The following HDAC9 variants were observed in gnomAD, a reference collection of about 807,000 sequenced individuals.
HDAC9 encodes the protein histone deacetylase 9.
In HDAC9, 41 loss-of-function variants were observed where a neutral mutation model predicts 139.4. The observed-to-expected ratio is 0.29, with a 90% confidence interval of 0.23 to 0.38. The LOEUF (loss-of-function observed/expected upper bound fraction) is 0.38. HDAC9 is among the 10% of genes least tolerant of loss of function. HDAC9 has a pLI of 1.00. For synonymous variants in HDAC9, 517 were observed against 476.2 expected (o/e 1.09, Z -1.12); for missense variants, 1,147 against 1,297.0 (o/e 0.88, Z 1.78).
chr7:18,455,375 T>C (rs992755738), intron 1 of HDAC9, among the ~76,000 whole-genome samples: 2 of 152,208 alleles, frequency 1.3e-5, no homozygotes, highest in Non-Finnish European at 2.9e-5. Flanking sequence ...CTCATTTTTT[T>C]GTGTAATTTT....
At chr7:18,960,749 A>G (rs980644990) in intron 24 of HDAC9, among the ~76,000 whole-genome samples, 1 of 152,150 alleles carries the variant, frequency 6.6e-6, no homozygotes, top group Non-Finnish European at 1.5e-5. Context: ...GTCTTCTTTT[A>G]TCTGAAATAC....
At position 18,411,471 on chromosome 7, in the gene HDAC9, T is replaced by C. The variant is rs531489100; in HGVS notation, c.-41-84791T>C. On this transcript the variant is annotated intron_variant, in intron 1 of 3. Transcript: ENST00000413509. ...CTCACTGCAGCCTCCGCCTACTGGG[T>C]TCAAGCGATCCTCCTGCCTCAGCCT... Among the ~76,000 whole-genome samples the C allele has an allele frequency of 2.6e-5, 4 of 152,204 alleles. No individual in the cohort carries two copies. In the South Asian group the frequency reaches 8.3e-4, roughly 32 times the overall value.
At chr7:18,610,153 A>G (rs1836716344) in intron 6 of HDAC9, among the ~76,000 whole-genome samples, 1 of 152,176 alleles carries the variant, frequency 6.6e-6, no homozygotes, top group Non-Finnish European at 1.5e-5. Context: ...AACCAACCCC[A>G]ATGTCCATCA....
At chr7:18,795,501 G>T (rs929085671) in intron 17 of HDAC9, among the ~76,000 whole-genome samples, 1 of 152,094 alleles carries the variant, frequency 6.6e-6, no homozygotes, top group African/African-American at 2.4e-5. Flanking sequence ...TAACACTATG[G>T]CATCCCAAGC....
intron 16 of HDAC9, among the ~76,000 whole-genome samples, chr7:18,775,351 T>C (rs1790668749): frequency 6.6e-6 from 1 of 152,046 alleles, no homozygotes; most frequent in Non-Finnish European, 1.5e-5. Context: ...AAACCTTCAA[T>C]TTGTAAAAAA....
chr7:18,573,642 A>G (rs10252543), intron 2 of HDAC9, among the ~76,000 whole-genome samples: 2,818 of 152,334 alleles, frequency 0.018, 80 homozygotes, highest in African/African-American at 0.064. Flanking sequence ...GCCACTGCAC[A>G]CAGCTGGGCA....
chr7:18,458,973 T>C, intron 1 of HDAC9: 1 of 1,106,830 alleles, frequency 9.0e-7, no homozygotes, highest in Non-Finnish European at 1.3e-6. Context: ...TGACTTCCTT[T>C]TCCAGGCTAT....
intron 21 of HDAC9, among the ~76,000 whole-genome samples, chr7:18,867,077 A>G (rs1798554625): frequency 6.6e-6 from 1 of 151,928 alleles, no homozygotes; most frequent in Non-Finnish European, 1.5e-5. Context: ...TAGTGGTAGT[A>G]CTCTTTCTGT....
chr7:18,600,036 A>G (rs1431161815), intron 6 of HDAC9, among the ~76,000 whole-genome samples: 2 of 151,642 alleles, frequency 1.3e-5, no homozygotes, highest in Non-Finnish European at 2.9e-5. Context: ...TGTGGTTTTA[A>G]TTTGTAATTC....
At chr7:18,111,597 A>G (rs995001539) in intron 1 of HDAC9, among the ~76,000 whole-genome samples, 23 of 152,212 alleles carry the variant, frequency 1.5e-4, no homozygotes, top group African/African-American at 4.8e-4. Context: ...TATATTACTA[A>G]TAATACCTAA....
chr7:18,735,900 C>T (rs991078629), intron 13 of HDAC9, among the ~76,000 whole-genome samples: 1 of 152,118 alleles, frequency 6.6e-6, no homozygotes, highest in Non-Finnish European at 1.5e-5. Context: ...TGCATCCTCT[C>T]CTATTTACTT....
At chr7:18,367,948 T>A (rs925458666) in intron 1 of HDAC9, among the ~76,000 whole-genome samples, 6 of 152,140 alleles carry the variant, frequency 3.9e-5, no homozygotes, top group African/African-American at 1.4e-4. Context: ...ACTTATTGAT[T>A]TGATACTTAT....
chr7:18,473,541 G>A (rs1220689847), intron 1 of HDAC9, among the ~76,000 whole-genome samples: 1 of 152,222 alleles, frequency 6.6e-6, no homozygotes, highest in Non-Finnish European at 1.5e-5. Context: ...AGTTTTGGCA[G>A]AAGCCAAGCC....
At chr7:18,642,059 T>C (rs1348228421) in intron 8 of HDAC9, among the ~76,000 whole-genome samples, 1 of 152,108 alleles carries the variant, frequency 6.6e-6, no homozygotes, top group African/African-American at 2.4e-5. Context: ...TGTTTCCTTA[T>C]CTGTAATCCA....
chr7:18,349,307 TACACACACACACACAC>T lies in HDAC9; in HGVS notation c.-42+58832_-42+58847del, dbSNP rs3138825. Among the ~76,000 whole-genome samples, 330 of 125,798 alleles carry T rather than the reference TACACACACACACACAC, an allele frequency of 2.6e-3. 1 individual carries two copies. The highest frequency in any genetic ancestry group is 0.012 in the Middle Eastern group (3 of 250). 82.5% of individuals were successfully genotyped at this position (125,798 alleles called of 152,430 possible). ...ATGACCTCCCATACTTGAGAACATC[TACACACACACACACAC>T]ACACACACACACACACACACACACA... On this transcript the variant is annotated intron_variant, in intron 1 of 3. Transcript: ENST00000413509.
chr7:18,544,214 T>C (rs1465301100), intron 2 of HDAC9, among the ~76,000 whole-genome samples: 3 of 152,168 alleles, frequency 2.0e-5, no homozygotes, highest in Non-Finnish European at 2.9e-5. Flanking sequence ...GGAGAAGTTA[T>C]CAGATTTGAA....
chr7:18,908,076 C>T (rs1045693413), intron 22 of HDAC9, among the ~76,000 whole-genome samples: 4 of 151,860 alleles, frequency 2.6e-5, no homozygotes, highest in African/African-American at 9.7e-5. Flanking sequence ...TTAAATGTCA[C>T]ATGGAATAGT....
chr7:18,377,077 C>A (rs567728847), intron 1 of HDAC9, among the ~76,000 whole-genome samples: 1 of 152,042 alleles, frequency 6.6e-6, no homozygotes, highest in African/African-American at 2.4e-5. Flanking sequence ...GTTCTTATAG[C>A]AACAGAAATT....
At chr7:18,744,532 G>A (rs1222998216) in intron 13 of HDAC9, among the ~76,000 whole-genome samples, 1 of 152,068 alleles carries the variant, frequency 6.6e-6, no homozygotes, top group African/African-American at 2.4e-5. Flanking sequence ...GCAATATGAA[G>A]TTGAATGTTA....
Sources: gnomAD v4.1 joint callset for allele counts (sites outside exome capture counted in the v4.1 genomes callset) on GRCh38, gnomAD v4.1.1 for gene constraint, MANE v1.5 for transcripts, NCBI Gene and HGNC (gene_info 2026-07-23, HGNC 2026-07-21) for gene names.